TMEM19: variants seen among roughly 807,000 people sequenced by gnomAD.
The protein encoded by TMEM19 is transmembrane protein 19.
In TMEM19, 21 loss-of-function variants were observed where a neutral mutation model predicts 33.6. The ratio of observed to expected loss-of-function variants is 0.62; its 90% confidence interval spans 0.44 to 0.90. The LOEUF is 0.90. Among genes scored for constraint, TMEM19 ranks in the 40% least tolerant of loss-of-function variants. The pLI, the probability that TMEM19 is intolerant of heterozygous loss-of-function variation, is 0.00. For missense variants in TMEM19, 402 were observed against 401.8 expected, an observed-to-expected ratio of 1.00 and a Z score of 0.00; for synonymous variants, 149 against 147.5, an observed-to-expected ratio of 1.01 and a Z score of -0.07.
At chr12:71,692,633 T>C (rs1881803427) in intron 2 of TMEM19, among the ~76,000 whole-genome samples, 1 of 152,140 alleles carries the variant, frequency 6.6e-6, no homozygotes, top group Non-Finnish European at 1.5e-5. Context: ...TAAAGTCAGG[T>C]AGCAAAAATA....
intron 2 of TMEM19, 151 bp from the exon 3 acceptor site, chr12:71,696,285 T>G: frequency 1.6e-6 from 1 of 608,950 alleles, no homozygotes; most frequent in Admixed American, 3.7e-5. Flanking sequence ...TTCAGTTTAC[T>G]GCTTGCTAAG....
rs779466230 is a variant in TMEM19, at chr12:71,689,574, C to T, written c.131-17C>T. On this transcript the variant is annotated splice_polypyrimidine_tract_variant and intron_variant, in intron 1 of 5. Transcript: ENST00000266673. ...CAAACTTCACACAATTTGTGCTCCA[C>T]CTTTATAATTTTTCAGGTAACTTAC... The T allele has an allele frequency of 1.9e-6, 3 of 1,605,896 alleles. No individual in the cohort carries two copies. Among genetic ancestry groups the T allele is most frequent in the Non-Finnish European group, 2.6e-6 (3 of 1,172,546 alleles).
rs755729139 is a variant in TMEM19 at position 71,698,918 on chromosome 12, C to T, written c.656C>T (p.Thr219Ile). 1 of 1,614,142 alleles carries T rather than the reference C, an allele frequency of 6.2e-7. No individual in the cohort carries two copies. Among genetic ancestry groups the T allele is most frequent in the African/African-American group, 1.3e-5 (1 of 75,030 alleles). The change falls in exon 5 of 6, where the codon ACA becomes ATA. Residue 219 changes from threonine (T) to isoleucine (I), a missense_variant. Transcript: ENST00000266673. ...TCTTCAGGTACCAATGGAGGAGTTA[C>T]AGTGGTGGGCCTTGTCTCCAGTCTC... ...KVPVGTNGGVTVVGLVSSLLG... is the reference protein window; with the variant it reads ...KVPVGTNGGVIVVGLVSSLLG...
At chr12:71,696,358 T>C (rs1477886746) in intron 2 of TMEM19, 78 bp from the exon 3 acceptor site, 24 of 1,253,570 alleles carry the variant, frequency 1.9e-5, no homozygotes, top group South Asian at 1.2e-4. Flanking sequence ...ATAAAAATAA[T>C]GGAAAAAATC....
At chr12:71,699,496 A>G in intron 5 of TMEM19, 1 of 281,336 alleles carries the variant, frequency 3.6e-6, no homozygotes, top group Non-Finnish European at 6.7e-6. Flanking sequence ...CACACGACCT[A>G]CTTTCTTACT....
At chr12:71,698,216 C>A (rs1881909835) in intron 4 of TMEM19, among the ~76,000 whole-genome samples, 1 of 152,122 alleles carries the variant, frequency 6.6e-6, no homozygotes. Context: ...CCCATCCTAT[C>A]CCCCATCATC....
chr12:71,697,194 A>G, intron 3 of TMEM19, 86 bp from the exon 4 acceptor site: 1 of 1,492,676 alleles, frequency 6.7e-7, no homozygotes, highest in Non-Finnish European at 8.9e-7. Context: ...CTTTTCTTAA[A>G]CTTTAAAACA....
chr12:71,696,423 A>G lies in TMEM19; in HGVS notation c.245-13A>G. The G allele has an allele frequency of 6.3e-7, 1 of 1,584,456 alleles. No individual in the cohort carries two copies. Among genetic ancestry groups the G allele is most frequent in the Non-Finnish European group, 8.6e-7 (1 of 1,165,624 alleles). ...ATTGAATATAATTCTGTGTTTATATATGTTTCTTTCAGGGCTAGTCGTTGG... is the reference window on the plus strand; with the variant it reads ...ATTGAATATAATTCTGTGTTTATATGTGTTTCTTTCAGGGCTAGTCGTTGG... On this transcript the variant is annotated splice_polypyrimidine_tract_variant and intron_variant, in intron 2 of 5. Transcript: ENST00000266673.
intron 2 of TMEM19, among the ~76,000 whole-genome samples, chr12:71,696,015 G>C (rs142715689): frequency 6.3e-4 from 96 of 152,186 alleles, no homozygotes; most frequent in African/African-American, 2.2e-3. Context: ...GCAATGGAAA[G>C]GGTTATTATA....
intron 5 of TMEM19, 89 bp from the exon 6 acceptor site, chr12:71,700,743 A>T: frequency 7.8e-7 from 1 of 1,286,558 alleles, no homozygotes. Flanking sequence ...TAGAACTTAA[A>T]GTATAATAAA....
In TMEM19 at chr12:71,701,111, AT is replaced by A. The variant is rs1375786324; in HGVS notation, c.*118del. On this transcript the variant is annotated 3_prime_UTR_variant, in exon 6 of 6. Transcript: ENST00000266673. ...AAGCGGAAATGCCAGTTCCTCCTGT[AT>A]TCCATTGAGATGGGATTTCACATTT... 9.3e-7 allele frequency: 1 copy of A among 1,079,506 alleles called. No individual in the cohort carries two copies. The highest frequency in any genetic ancestry group is 1.6e-5 in the African/African-American group (1 of 62,512). The allele number at this position is 1,079,506 out of a possible 1,614,324, so 66.9% of individuals were successfully genotyped here.
intron 1 of TMEM19, among the ~76,000 whole-genome samples, chr12:71,687,424 G>GA (rs1179873891): frequency 3.9e-5 from 6 of 151,976 alleles, no homozygotes; most frequent in Non-Finnish European, 7.4e-5. Context: ...ACTAAAACTA[G>GA]AAAAAAGCTG....
chr12:71,704,563 G>A lies in TMEM19; in HGVS notation c.*3568G>A, dbSNP rs1480528667. 3 of 152,214 alleles carry A rather than the reference G, an allele frequency of 2.0e-5. No individual in the cohort carries two copies. The highest frequency in any genetic ancestry group is 6.5e-5 in the Admixed American group (1 of 15,284). The allele number at this position is 152,214 out of a possible 1,614,324, so 9.4% of individuals were successfully genotyped here. A position where few individuals can be genotyped will look rare whatever the true frequency, so the allele number is the denominator to read the frequency against. On this transcript the variant is annotated 3_prime_UTR_variant, in exon 6 of 6. Transcript: ENST00000266673. ...GTGCTTTAAAAATGAAAACACAGCC[G>A]GACGAGGTGGCTTATGCCTGTAATC...
Position 71,686,783 on chromosome 12 carries a change from A to C in TMEM19, c.103A>C (p.Ile35Leu). 4 of 1,612,394 alleles carry C rather than the reference A, an allele frequency of 2.5e-6. No homozygotes were observed. The highest frequency in any genetic ancestry group is 3.4e-6 in the Non-Finnish European group (4 of 1,179,638). The change falls in exon 1 of 6, where the codon ATA (isoleucine) becomes CTA (leucine). Residue 35 changes from isoleucine to leucine, a missense_variant. Physicochemically the swap from Ile to Leu is conservative, Grantham distance 5. Coordinates refer to ENST00000266673, the MANE Select transcript of TMEM19 (RefSeq NM_018279.4). ...IICISLAFWI[I>L]SMTASTYYGN... ...TTGCATTTCGTTAGCTTTCTGGATTATATCAATGACTGCAAGCACCTATTA... is the reference window on the plus strand; with the variant it reads ...TTGCATTTCGTTAGCTTTCTGGATTCTATCAATGACTGCAAGCACCTATTA...
chr12:71,701,293 A>G lies in TMEM19; in HGVS notation c.*298A>G, dbSNP rs996490091. The G allele has an allele frequency of 2.0e-5, 4 of 202,000 alleles. No individual in the cohort carries two copies. The highest frequency in any genetic ancestry group is 3.0e-5 in the Non-Finnish European group (3 of 101,094). 12.5% of individuals were successfully genotyped at this position (202,000 alleles called of 1,614,324 possible). A position where few individuals can be genotyped will look rare whatever the true frequency, so the allele number is the denominator to read the frequency against. ...TATATATTGAACTGAAAGTTCTTAC[A>G]TAATCAATGTCAAGTTTTGTCTTAT... is the stretch of plus-strand genomic sequence containing the variant. On this transcript the variant is annotated 3_prime_UTR_variant, in exon 6 of 6. Transcript: ENST00000266673.
chr12:71,686,594 G>C lies in TMEM19; in HGVS notation c.-87G>C. 6.8e-7 allele frequency: 1 copy of C among 1,464,404 alleles called. No homozygotes were observed. 90.7% of individuals were successfully genotyped at this position (1,464,404 alleles called of 1,614,324 possible). On this transcript the variant is annotated 5_prime_UTR_variant, in exon 1 of 6. The change abolishes the stop of an existing upstream ORF in the 5' untranslated region. Transcript: ENST00000266673. ...TATGTTGGGATTTATGTTTGCCTCT[G>C]AACAAGTGTCTTGCTCACATCGTAA...
At position 71,704,079 on chromosome 12, in the gene TMEM19, A is replaced by T. The variant is rs1027730022; in HGVS notation, c.*3084A>T. ...GCATAAAGGTGTACTGTTTCTTATCATACTGTTCCATGATAGAAGAGAGCA... is the reference window on the plus strand; with the variant it reads ...GCATAAAGGTGTACTGTTTCTTATCTTACTGTTCCATGATAGAAGAGAGCA... On this transcript the variant is annotated 3_prime_UTR_variant, in exon 6 of 6. Transcript: ENST00000266673. The T allele has an allele frequency of 4.8e-5, 20 of 415,134 alleles. No individual in the cohort carries two copies. Among genetic ancestry groups the T allele is most frequent in the Admixed American group, 4.5e-4 (18 of 40,286 alleles). 25.7% of individuals were successfully genotyped at this position (415,134 alleles called of 1,614,324 possible).
Position 71,696,548 on chromosome 12 carries a change from G to A in TMEM19, c.357G>A (p.Lys119=), listed in dbSNP as rs759620508. The A allele has an allele frequency of 7.5e-6, 12 of 1,609,444 alleles. No homozygotes were observed. In the East Asian group the frequency reaches 2.5e-4, roughly 33 times the overall value. The change falls in exon 3 of 6, where the codon AAG becomes AAA. Residue 119 remains lysine (K), a synonymous_variant. Transcript: ENST00000266673. The part of the protein sequence containing the change: ...KLTKWKGEVK[K]RLDSEYKEGG... ...CTAAATGGAAGGGAGAAGTGAAGAAGCGTCTAGATTCAGAATATAAGGAAG... is the reference window on the plus strand; with the variant it reads ...CTAAATGGAAGGGAGAAGTGAAGAAACGTCTAGATTCAGAATATAAGGAAG...
At chr12:71,686,872 C>A in intron 1 of TMEM19, 62 bp downstream of exon 1, 1 of 1,512,168 alleles carries the variant, frequency 6.6e-7, no homozygotes, top group Non-Finnish European at 8.8e-7. Context: ...AAAACCATAC[C>A]ATTGTGAAAT....
Sources: allele counts gnomAD v4.1 joint callset (sites outside exome capture counted in the v4.1 genomes callset), GRCh38; gene constraint gnomAD v4.1.1; transcripts MANE v1.5; gene names NCBI Gene and HGNC (gene_info 2026-07-23, HGNC 2026-07-21).